RGL1: variants seen among roughly 807,000 people sequenced by gnomAD.
The protein encoded by RGL1 is ral guanine nucleotide dissociation stimulator like 1.
RGL1 carries 24 observed loss-of-function variants against 95.2 expected under a neutral mutation model. The observed-to-expected ratio is 0.25, with a 90% CI of 0.18 to 0.35. The LOEUF is 0.35. RGL1 is among the 10% of genes least tolerant of loss of function. The pLI is 1.00. For synonymous variants in RGL1, 329 were observed against 344.9 expected (o/e 0.95, Z 0.51); for missense variants, 715 against 936.3 (o/e 0.76, Z 3.08).
In RGL1 at chr1:183,916,485, C is replaced by G. The variant is rs758768630; in HGVS notation, c.1788C>G (p.Ser596=). The G allele has an allele frequency of 1.2e-6, 2 of 1,614,018 alleles. No homozygotes were observed. The highest frequency in any genetic ancestry group is 3.3e-5 in the Admixed American group (2 of 59,996). Residue 596 remains serine, a synonymous_variant, in exon 16 of 18, where the codon TCC becomes TCG. Coordinates refer to ENST00000360851, the MANE Select transcript of RGL1 (RefSeq NM_001297671.3). ...ESSSSCSSIH[S]MDTNSSGMSS... is the part of the protein sequence containing the mutation. ...CCTCATCCTGTTCTTCTATCCATTC[C>G]ATGGACACAAATTCCTCAGGGATGT... is the stretch of plus-strand genomic sequence containing the variant.
At chr1:183,785,303 T>C (rs529925404) in intron 2 of RGL1, among the ~76,000 whole-genome samples, 2 of 152,344 alleles carry the variant, frequency 1.3e-5, no homozygotes, top group African/African-American at 4.8e-5. Flanking sequence ...TTGTATTCTT[T>C]GGCATCCATG....
At chr1:183,687,835 G>T (rs1209538880) in intron 1 of RGL1, among the ~76,000 whole-genome samples, 1 of 152,118 alleles carries the variant, frequency 6.6e-6, no homozygotes, top group East Asian at 1.9e-4. Flanking sequence ...TAAAATGAAG[G>T]TTTGAGGATC....
chr1:183,802,572 G>A (rs1239215745), upstream of RGL1, among the ~76,000 whole-genome samples: 3 of 138,474 alleles, frequency 2.2e-5, no homozygotes, highest in South Asian at 4.8e-4. Context: ...CCGTAAACAC[G>A]GGATGTCTTT....
intron 2 of RGL1, among the ~76,000 whole-genome samples, chr1:183,784,354 A>T (rs1228117822): frequency 6.6e-6 from 1 of 152,210 alleles, no homozygotes; most frequent in African/African-American, 2.4e-5. Flanking sequence ...AGGGAATAAG[A>T]AAGTCTGTCA....
At chr1:183,736,935 C>A (rs973618716) in intron 1 of RGL1, among the ~76,000 whole-genome samples, 2 of 16,186 alleles carry the variant, frequency 1.2e-4, no homozygotes, top group Non-Finnish European at 2.7e-4. Flanking sequence ...TAAACACTTT[C>A]TTTTCCTTCC....
In RGL1 at chr1:183,928,181, TA is replaced by T. The variant is rs1669727950; in HGVS notation, c.*1893del. ...GCGAAGGTAAAAAAAAAAAAATAAA[TA>T]AAACCATTGGCCTGGTTGAGGGCGT... On this transcript the variant is annotated 3_prime_UTR_variant, in exon 18 of 18. Transcript: ENST00000360851. 1 of 151,184 alleles carries T rather than the reference TA, an allele frequency of 6.6e-6. No individual in the cohort carries two copies. The highest frequency in any genetic ancestry group is 1.5e-5 in the Non-Finnish European group (1 of 67,642). 9.4% of individuals were successfully genotyped at this position (151,184 alleles called of 1,614,324 possible). A position where few individuals can be genotyped will look rare whatever the true frequency, so the allele number is the denominator to read the frequency against.
At chr1:183,654,009 A>G (rs1285389937) in intron 1 of RGL1, among the ~76,000 whole-genome samples, 6 of 152,054 alleles carry the variant, frequency 3.9e-5, no homozygotes, top group African/African-American at 1.4e-4. Context: ...GGGGATTGCT[A>G]TTGTGTACAT....
At chr1:183,650,548 G>C (rs115011681) in intron 1 of RGL1, among the ~76,000 whole-genome samples, 2 of 151,376 alleles carry the variant, frequency 1.3e-5, no homozygotes, top group Admixed American at 1.3e-4. Context: ...GTCTCAAAAC[G>C]AAAAACAAAA....
At chr1:183,685,038 C>A (rs1205415384) in intron 1 of RGL1, among the ~76,000 whole-genome samples, 2 of 152,184 alleles carry the variant, frequency 1.3e-5, no homozygotes, top group African/African-American at 4.8e-5. Context: ...TTTATTTGGC[C>A]ATCTTCTATT....
chr1:183,653,955 T>C (rs1650958215), intron 1 of RGL1, among the ~76,000 whole-genome samples: 1 of 152,204 alleles, frequency 6.6e-6, no homozygotes, highest in Non-Finnish European at 1.5e-5. Context: ...TCACTCTGGA[T>C]TATTCCCTCA....
chr1:183,777,238 C>A (rs1050910870), intron 2 of RGL1, among the ~76,000 whole-genome samples: 1 of 152,184 alleles, frequency 6.6e-6, no homozygotes, highest in Admixed American at 6.5e-5. Context: ...TTAACTTTAT[C>A]TTAATTTTCG....
chr1:183,770,853 A>G (rs1348664991), intron 2 of RGL1, among the ~76,000 whole-genome samples: 1 of 152,178 alleles, frequency 6.6e-6, no homozygotes, highest in Non-Finnish European at 1.5e-5. Context: ...GGAAGCTTCA[A>G]TTCTATGCTT....
chr1:183,862,755 C>A (rs1393130439), intron 3 of RGL1, among the ~76,000 whole-genome samples: 2 of 152,180 alleles, frequency 1.3e-5, no homozygotes, highest in African/African-American at 2.4e-5. Flanking sequence ...CAATAGAGCA[C>A]TAGCAACAGG....
chr1:183,717,195 T>G (rs1286051717), intron 1 of RGL1, among the ~76,000 whole-genome samples: 1 of 152,182 alleles, frequency 6.6e-6, no homozygotes, highest in East Asian at 1.9e-4. Flanking sequence ...TGAAAGAATT[T>G]TGTTAGTTCT....
At chr1:183,737,945 A>G (rs1657044627) in intron 1 of RGL1, among the ~76,000 whole-genome samples, 1 of 152,208 alleles carries the variant, frequency 6.6e-6, no homozygotes, top group Non-Finnish European at 1.5e-5. Flanking sequence ...AATTCTTCAA[A>G]ATTGATTTCC....
intron 2 of RGL1, among the ~76,000 whole-genome samples, chr1:183,833,720 G>A (rs904649024): frequency 1.3e-5 from 2 of 152,046 alleles, no homozygotes; most frequent in Admixed American, 6.6e-5. Context: ...TAGTACTTTT[G>A]GTTAAAAGTA....
chr1:183,907,431 T>C (rs563210834), intron 14 of RGL1, among the ~76,000 whole-genome samples: 7 of 152,304 alleles, frequency 4.6e-5, no homozygotes, highest in Admixed American at 4.6e-4. Flanking sequence ...TGTTGCTTCC[T>C]GTATAAAAAC....
At chr1:183,852,561 C>T (rs1393266506) in intron 3 of RGL1, among the ~76,000 whole-genome samples, 1 of 152,174 alleles carries the variant, frequency 6.6e-6, no homozygotes, top group Non-Finnish European at 1.5e-5. Flanking sequence ...CATCTTTAAT[C>T]CCAGCACTTT....
chr1:183,740,945 TA>T (rs1657260276), intron 1 of RGL1, among the ~76,000 whole-genome samples: 1 of 152,166 alleles, frequency 6.6e-6, no homozygotes, highest in African/African-American at 2.4e-5. Flanking sequence ...ATAAATATAA[TA>T]AAATGTTACA....
Sources: gnomAD v4.1 joint callset for allele counts (sites outside exome capture counted in the v4.1 genomes callset) on GRCh38, gnomAD v4.1.1 for gene constraint, MANE v1.5 for transcripts, NCBI Gene and HGNC (gene_info 2026-07-23, HGNC 2026-07-21) for gene names.